NBEA: variants seen among roughly 807,000 people sequenced by gnomAD.
The protein encoded by NBEA is neurobeachin.
Under a neutral mutation model 343.4 loss-of-function variants are expected in NBEA, and 44 were observed. The ratio of observed to expected loss-of-function variants is 0.13; its 90% CI spans 0.10 to 0.16. NBEA has a LOEUF of 0.16. Ranked by LOEUF, NBEA falls within the 10% of genes least tolerant of loss-of-function variation. The pLI is 1.00. For synonymous variants in NBEA, 1,175 were observed against 1,238.7 expected (o/e 0.95, Z 1.08); for missense variants, 2,555 against 3,631.3 (o/e 0.70, Z 7.62).
chr13:35,407,517 C>CA (rs11355447), intron 38 of NBEA, among the ~76,000 whole-genome samples: 18,401 of 135,048 alleles, frequency 0.14, 1,308 homozygotes, highest in African/African-American at 0.22. Flanking sequence ...TGCATCATTT[C>CA]AAAAAAAAAA....
chr13:35,474,744 A>G (rs2075787499), intron 41 of NBEA: 1 of 270,496 alleles, frequency 3.7e-6, no homozygotes, highest in South Asian at 8.0e-5. Flanking sequence ...AGTTAGGCAG[A>G]GTGTTCGTCT....
chr13:35,451,912 G>T (rs140182661), intron 39 of NBEA, among the ~76,000 whole-genome samples, 180 bp from the exon 40 acceptor site: 3 of 152,050 alleles, frequency 2.0e-5, no homozygotes, highest in East Asian at 3.9e-4. Flanking sequence ...TTACAGCTCC[G>T]CACACCCCAT....
At chr13:35,296,441 A>G (rs960699641) in intron 35 of NBEA, among the ~76,000 whole-genome samples, 1 of 151,670 alleles carries the variant, frequency 6.6e-6, no homozygotes. Context: ...CTAACTTCTC[A>G]TAATTCTAAT....
At chr13:35,287,975 T>C (rs1260353172) in intron 34 of NBEA, among the ~76,000 whole-genome samples, 3 of 151,918 alleles carry the variant, frequency 2.0e-5, no homozygotes, top group African/African-American at 7.3e-5. Context: ...TATGTAATCT[T>C]AATTTGAATT....
chr13:35,318,417 G>A (rs991711462), intron 36 of NBEA, among the ~76,000 whole-genome samples: 4 of 152,088 alleles, frequency 2.6e-5, no homozygotes, highest in African/African-American at 9.7e-5. Flanking sequence ...TGATTTGCAT[G>A]TGTTGAACCG....
chr13:35,476,711 T>C, intron 41 of NBEA: 1 of 1,057,718 alleles, frequency 9.5e-7, no homozygotes, highest in East Asian at 6.9e-5. Context: ...TGCACTCGTG[T>C]GGAAATTATA....
intron 38 of NBEA, among the ~76,000 whole-genome samples, chr13:35,357,834 C>A (rs1245566640): frequency 6.6e-6 from 1 of 152,044 alleles, no homozygotes; most frequent in Non-Finnish European, 1.5e-5. Context: ...AATTGAAATA[C>A]TGTGTGCAAA....
rs1353630433 is a variant in NBEA, at chr13:35,031,714, G to T, written c.295-9219G>T. 2.6e-5 allele frequency among the ~76,000 whole-genome samples: 4 copies of T among 151,502 alleles called. No homozygotes were observed. The East Asian group carries it at 7.7e-4, about 29-fold the overall frequency. Reference sequence around the variant, plus strand: ...ACATAGGTAAACTCATGTCATGGGGGTGTGCTGTACAGATTATTTAATCAC... The same window carrying T: ...ACATAGGTAAACTCATGTCATGGGGTTGTGCTGTACAGATTATTTAATCAC... On this transcript the variant is annotated intron_variant, in intron 1 of 58. Transcript: ENST00000379939.
chr13:35,296,735 G>A (rs2036158550), intron 35 of NBEA, among the ~76,000 whole-genome samples: 1 of 151,718 alleles, frequency 6.6e-6, no homozygotes, highest in South Asian at 2.1e-4. Flanking sequence ...TTGAAAAATA[G>A]TGAAAACTAT....
chr13:35,381,970 G>A (rs1412379258), intron 38 of NBEA, among the ~76,000 whole-genome samples: 2 of 152,008 alleles, frequency 1.3e-5, no homozygotes, highest in Non-Finnish European at 1.5e-5. Context: ...CTAAATTGAT[G>A]AAGAATGGAA....
chr13:35,343,728 G>T (rs1461319593), intron 36 of NBEA, among the ~76,000 whole-genome samples: 1 of 152,024 alleles, frequency 6.6e-6, no homozygotes, highest in African/African-American at 2.4e-5. Flanking sequence ...AGGGATATAG[G>T]TTGCATGCTC....
intron 34 of NBEA, among the ~76,000 whole-genome samples, chr13:35,277,690 A>C (rs748749670): frequency 3.3e-5 from 5 of 150,912 alleles, no homozygotes; most frequent in Non-Finnish European, 5.9e-5. Flanking sequence ...GGTAGAAAGA[A>C]AGGAGCAGCG....
intron 24 of NBEA, among the ~76,000 whole-genome samples, chr13:35,166,511 A>G (rs964644291): frequency 1.3e-5 from 2 of 152,188 alleles, no homozygotes; most frequent in Non-Finnish European, 2.9e-5. Flanking sequence ...TCATTCAATT[A>G]TAGAAACCTT....
chr13:35,363,773 G>A (rs487005), intron 38 of NBEA, among the ~76,000 whole-genome samples: 44,267 of 151,768 alleles, frequency 0.29, 8,303 homozygotes, highest in African/African-American at 0.54. Flanking sequence ...TCCCTTGGAT[G>A]TTTGAACCTC....
chr13:35,236,272 G>T (rs1022761811), intron 34 of NBEA, among the ~76,000 whole-genome samples: 4 of 151,956 alleles, frequency 2.6e-5, no homozygotes, highest in Admixed American at 2.6e-4. Flanking sequence ...TCACAATTTG[G>T]TCATAACCCT....
At chr13:35,593,657 G>A (rs528212486) in intron 47 of NBEA, among the ~76,000 whole-genome samples, 3 of 152,022 alleles carry the variant, frequency 2.0e-5, no homozygotes, top group South Asian at 2.1e-4. Context: ...AGGTGTTTTC[G>A]TTATTTCAAA....
At chr13:35,263,765 A>T (rs572521610) in intron 34 of NBEA, among the ~76,000 whole-genome samples, 1 of 152,198 alleles carries the variant, frequency 6.6e-6, no homozygotes. Flanking sequence ...CACCTATGAG[A>T]TACAGCAAAA....
intron 48 of NBEA, among the ~76,000 whole-genome samples, chr13:35,618,875 C>T (rs2082853364): frequency 6.6e-6 from 1 of 152,026 alleles, no homozygotes; most frequent in Admixed American, 6.6e-5. Context: ...ATAATCTCAT[C>T]TCGCCCTCAG....
At chr13:35,289,961 A>G (rs1398165056) in intron 34 of NBEA, among the ~76,000 whole-genome samples, 1 of 151,874 alleles carries the variant, frequency 6.6e-6, no homozygotes, top group Non-Finnish European at 1.5e-5. Flanking sequence ...AACAAAATTT[A>G]GGCAGAACTT....
Sources: allele counts gnomAD v4.1 joint callset (sites outside exome capture counted in the v4.1 genomes callset), GRCh38; gene constraint gnomAD v4.1.1; transcripts MANE v1.5; gene names NCBI Gene and HGNC (gene_info 2026-07-23, HGNC 2026-07-21).